CEP63: variants seen among roughly 807,000 people sequenced by gnomAD.
CEP63 encodes centrosomal protein of 63 kDa.
In CEP63, 84 loss-of-function variants were observed where a neutral mutation model predicts 89.1. The observed-to-expected ratio is 0.94, with a 90% confidence interval of 0.79 to 1.13. The LOEUF is 1.13. Ranked by LOEUF, CEP63 falls within the 50% of genes most tolerant of loss-of-function variation. The pLI, the probability that CEP63 is intolerant of heterozygous loss-of-function variation, is 0.00. For synonymous variants in CEP63, 267 were observed against 272.5 expected (o/e 0.98, Z 0.20); for missense variants, 838 against 813.3 (o/e 1.03, Z -0.37).
At position 134,550,228 on chromosome 3, in the gene CEP63, C is replaced by T; in HGVS notation, c.1348C>T (p.Gln450Ter). Residue 450 changes from glutamine (Q) to a stop codon, truncating the protein, a stop_gained, in exon 11 of 15, where the codon CAA (glutamine) becomes TAA (stop). Coordinates refer to ENST00000675561, the MANE Select transcript of CEP63 (RefSeq NM_001353108.3). LOFTEE classifies it high-confidence loss of function. ...GGAAAAGCGACTCAGAGCAGAGATGCAAAAGGCAGAAGACAAAGCAGTAGA... is the reference window on the plus strand; with the variant it reads ...GGAAAAGCGACTCAGAGCAGAGATGTAAAAGGCAGAAGACAAAGCAGTAGA... ...DMEKRLRAEM[Q>*]KAEDKAVEHK... 1 of 1,614,130 alleles carries T rather than the reference C, an allele frequency of 6.2e-7. No homozygotes were observed. The highest frequency in any genetic ancestry group is 8.5e-7 in the Non-Finnish European group (1 of 1,179,998).
At chr3:134,551,724 CATATATATATAT>C (rs71139540) in intron 11 of CEP63, among the ~76,000 whole-genome samples, 190 bp from the exon 12 acceptor site, 46 of 81,532 alleles carry the variant, frequency 5.6e-4, no homozygotes, top group South Asian at 1.2e-3. Context: ...TTAGAAAGTC[CATATATATATAT>C]ATATATATAT....
the CEP63 span, among the ~76,000 whole-genome samples, chr3:134,622,726 G>A: frequency 6.6e-6 from 1 of 152,150 alleles, no homozygotes; most frequent in African/African-American, 2.4e-5. Context: ...TTTCTTCGTA[G>A]GGGCCCTCAG....
At chr3:134,604,155 G>T in the CEP63 span, 1 of 1,608,708 alleles carries the variant, frequency 6.2e-7, no homozygotes. Context: ...GGATGATAGG[G>T]TCAGGGTGGG....
At chr3:134,775,709 GA>G in the CEP63 span, among the ~76,000 whole-genome samples, 1 of 152,238 alleles carries the variant, frequency 6.6e-6, no homozygotes, top group East Asian at 1.9e-4. Flanking sequence ...CAGGAGAAGG[GA>G]AACCTCAGAT....
chr3:134,682,917 G>A, the CEP63 span, among the ~76,000 whole-genome samples: 7 of 152,206 alleles, frequency 4.6e-5, no homozygotes, highest in Non-Finnish European at 8.8e-5. Flanking sequence ...TTGGAGTCTT[G>A]AGTGACAGAG....
intron 2 of CEP63, among the ~76,000 whole-genome samples, chr3:134,496,445 A>T (rs549780133): frequency 5.2e-4 from 78 of 150,154 alleles, no homozygotes; most frequent in Non-Finnish European, 1.1e-3. Context: ...GGGGGGGGCT[A>T]AAGAACTAGT....
At chr3:134,703,179 C>A in the CEP63 span, among the ~76,000 whole-genome samples, 1 of 151,680 alleles carries the variant, frequency 6.6e-6, no homozygotes, top group Non-Finnish European at 1.5e-5. Context: ...GCCTGTAGTC[C>A]CAGCTACTTG....
At chr3:134,644,076 C>G in the CEP63 span, among the ~76,000 whole-genome samples, 1 of 152,172 alleles carries the variant, frequency 6.6e-6, no homozygotes, top group Non-Finnish European at 1.5e-5. Flanking sequence ...TCACCCGCCT[C>G]AGCCTCCCAA....
At chr3:134,490,878 T>C (rs2089071508) in intron 1 of CEP63, among the ~76,000 whole-genome samples, 1 of 152,224 alleles carries the variant, frequency 6.6e-6, no homozygotes, top group African/African-American at 2.4e-5. Context: ...TAGTGATATA[T>C]GTCCTGTAGA....
At chr3:134,702,771 C>T in the CEP63 span, among the ~76,000 whole-genome samples, 2 of 152,026 alleles carry the variant, frequency 1.3e-5, no homozygotes, top group Non-Finnish European at 2.9e-5. Flanking sequence ...AAAAAGACAC[C>T]GTCTCACACC....
At position 134,541,470 on chromosome 3, in the gene CEP63, T is replaced by TA. The variant is rs150331400; in HGVS notation, c.556-4112dup. On this transcript the variant is annotated intron_variant, in intron 6 of 14. Coordinates refer to ENST00000675561, the MANE Select transcript of CEP63 (RefSeq NM_001353108.3). ...TTTTCAGGATTGGACAAAATGACTC[T>TA]AAAATTCATATGGAATGATAAATGA... is the stretch of plus-strand genomic sequence containing the variant. Among the ~76,000 whole-genome samples, 170 of 151,752 alleles carry TA rather than the reference T, an allele frequency of 1.1e-3. 2 individuals carry two copies. The East Asian group carries it at 0.029, about 26-fold the overall frequency.
chr3:134,555,698 C>T (rs1956002656), intron 12 of CEP63, among the ~76,000 whole-genome samples: 1 of 151,912 alleles, frequency 6.6e-6, no homozygotes, highest in Non-Finnish European at 1.5e-5. Context: ...GCTATACTGC[C>T]CAAGGTAATT....
chr3:134,747,562 G>T, the CEP63 span, among the ~76,000 whole-genome samples: 2 of 152,200 alleles, frequency 1.3e-5, no homozygotes, highest in Admixed American at 1.3e-4. Context: ...GTGGTGAAAA[G>T]TTCCACGTGA....
the CEP63 span, among the ~76,000 whole-genome samples, chr3:134,634,230 G>T: frequency 6.6e-6 from 1 of 152,054 alleles, no homozygotes; most frequent in Non-Finnish European, 1.5e-5. Context: ...CAAACATTTT[G>T]GGGGAATTGT....
chr3:134,532,556 T>C (rs1475961052), intron 4 of CEP63, among the ~76,000 whole-genome samples: 2 of 152,182 alleles, frequency 1.3e-5, no homozygotes, highest in African/African-American at 4.8e-5. Flanking sequence ...ACAAAACTTT[T>C]GTTTAAAATT....
At chr3:134,624,189 C>A in the CEP63 span, among the ~76,000 whole-genome samples, 1 of 152,188 alleles carries the variant, frequency 6.6e-6, no homozygotes, top group African/African-American at 2.4e-5. Context: ...ACCTCCCACC[C>A]ACTCCACACC....
chr3:134,644,117 G>T, the CEP63 span, among the ~76,000 whole-genome samples: 1 of 152,154 alleles, frequency 6.6e-6, no homozygotes, highest in South Asian at 2.1e-4. Context: ...GAGCCACCGC[G>T]CCCGGCCGAG....
At chr3:134,496,191 T>C (rs1047307544) in intron 2 of CEP63, among the ~76,000 whole-genome samples, 31 of 87,388 alleles carry the variant, frequency 3.5e-4, no homozygotes, top group African/African-American at 1.0e-3. Flanking sequence ...CAAACTTTTA[T>C]TGATGCTATT....
intron 3 of CEP63, among the ~76,000 whole-genome samples, chr3:134,512,696 T>C (rs1475929999): frequency 6.6e-6 from 1 of 152,206 alleles, no homozygotes; most frequent in Non-Finnish European, 1.5e-5. Flanking sequence ...TGTATTTTCA[T>C]TTATAGTTTT....
Sources: allele counts gnomAD v4.1 joint callset (sites outside exome capture counted in the v4.1 genomes callset), GRCh38; gene constraint gnomAD v4.1.1; transcripts MANE v1.5; gene names NCBI Gene and HGNC (gene_info 2026-07-23, HGNC 2026-07-21).